Variants in WDR59 observed in about 807,000 individuals in gnomAD.
WDR59 encodes GATOR2 complex protein WDR59.
WDR59 carries 100 observed loss-of-function variants against 131.2 expected under a neutral mutation model. That is an observed-to-expected ratio of 0.76 (90% CI 0.65 to 0.90). WDR59 has a LOEUF of 0.90. Ranked by LOEUF, WDR59 falls within the 40% of genes least tolerant of loss-of-function variation. The pLI is 0.00. For missense variants in WDR59, 1,203 were observed against 1,262.2 expected (o/e 0.95, Z 0.71); for synonymous variants, 601 against 466.2 (o/e 1.29, Z -3.72).
Position 74,926,233 on chromosome 16 carries a change from G to C in WDR59, c.652-2230C>G, listed in dbSNP as rs556935470. 3.3e-5 allele frequency among the ~76,000 whole-genome samples: 5 copies of C among 151,950 alleles called. No individual in the cohort carries two copies. In the South Asian group the frequency reaches 8.3e-4, roughly 25 times the overall value. ...CACCACCACGCCTGGCTAATTTTTT[G>C]TATTTTTAGTAGAGACGGGGTTTCA... On this transcript the variant is annotated intron_variant, in intron 8 of 25. Coordinates refer to ENST00000262144, the MANE Select transcript of WDR59 (RefSeq NM_030581.4).
At chr16:74,925,549 A>AAAG (rs1330232770) in intron 8 of WDR59, among the ~76,000 whole-genome samples, 1 of 151,514 alleles carries the variant, frequency 6.6e-6, no homozygotes, top group African/African-American at 2.4e-5. Context: ...ATCTCAAAAA[A>AAAG]AAAAAAAAAA....
At position 74,921,994 on chromosome 16, in the gene WDR59, C is replaced by T; in HGVS notation, c.839G>A (p.Gly280Glu). ...GAACTCCAGGACCACATCATCATGC[C>T]CCACGAAGGTGTGGACTGGGGTGTT... is the stretch of plus-strand genomic sequence containing the variant. The part of the protein sequence containing the change: ...DLNTPVHTFV[G>E]HDDVVLEFQW... Residue 280 changes from glycine (G) to glutamate (E), a missense_variant, in exon 10 of 26, where the codon GGG (glycine) becomes GAG (glutamate). Transcript: ENST00000262144. 6.2e-7 allele frequency: 1 copy of T among 1,614,162 alleles called. No individual in the cohort carries two copies. The highest frequency in any genetic ancestry group is 8.5e-7 in the Non-Finnish European group (1 of 1,180,038).
At chr16:74,949,545 T>C (rs2032869777) in intron 5 of WDR59, among the ~76,000 whole-genome samples, 173 bp downstream of exon 5, 1 of 151,844 alleles carries the variant, frequency 6.6e-6, no homozygotes, top group African/African-American at 2.4e-5. Flanking sequence ...CTCTTCTCTA[T>C]CCCCCTACAA....
chr16:74,919,499 A>ATT (rs11407330), intron 10 of WDR59, among the ~76,000 whole-genome samples: 73 of 145,274 alleles, frequency 5.0e-4, no homozygotes, highest in Middle Eastern at 3.6e-3. Flanking sequence ...CACCTGGCTA[A>ATT]TTTTTTTTTT....
intron 8 of WDR59, among the ~76,000 whole-genome samples, chr16:74,937,128 G>A (rs1335922641): frequency 6.6e-6 from 1 of 152,176 alleles, no homozygotes; most frequent in Admixed American, 6.5e-5. Context: ...AGGAACTACT[G>A]GAACAAAGAT....
intron 8 of WDR59, among the ~76,000 whole-genome samples, chr16:74,934,580 CAG>C (rs1358807022): frequency 6.6e-6 from 1 of 152,262 alleles, no homozygotes; most frequent in Non-Finnish European, 1.5e-5. Context: ...CCCCCATTCA[CAG>C]ATAATTTCTC....
At chr16:74,912,534 A>C (rs1966150769) in intron 13 of WDR59, among the ~76,000 whole-genome samples, 172 bp from the exon 14 acceptor site, 2 of 152,236 alleles carry the variant, frequency 1.3e-5, no homozygotes, top group South Asian at 4.1e-4. Flanking sequence ...TTAAATTTTC[A>C]TACCAGATTC....
intron 7 of WDR59, among the ~76,000 whole-genome samples, chr16:74,940,315 G>A (rs1330667518): frequency 1.3e-5 from 2 of 151,256 alleles, no homozygotes; most frequent in Non-Finnish European, 2.9e-5. Context: ...GGAGGTGGAG[G>A]TTGCAGTGAG....
intron 7 of WDR59, 120 bp from the exon 8 acceptor site, chr16:74,938,386 C>A: frequency 1.7e-6 from 1 of 594,056 alleles, no homozygotes. Flanking sequence ...CTGTCTCTAC[C>A]CTACACAGAC....
intron 8 of WDR59, 71 bp downstream of exon 8, chr16:74,938,079 C>G (rs569234106): frequency 1.8e-6 from 2 of 1,094,322 alleles, no homozygotes; most frequent in Non-Finnish European, 2.6e-6. Flanking sequence ...GCTTTCCAAC[C>G]AAGGTGGAAT....
chr16:74,944,743 A>C (rs2145109184), intron 6 of WDR59, among the ~76,000 whole-genome samples: 1 of 152,112 alleles, frequency 6.6e-6, no homozygotes, highest in Middle Eastern at 3.4e-3. Context: ...CCACTGAGAA[A>C]CCTCACTGAG....
intron 20 of WDR59, 134 bp downstream of exon 20, chr16:74,892,350 T>G (rs1402234343): frequency 1.2e-6 from 1 of 821,834 alleles, no homozygotes; most frequent in Non-Finnish European, 1.9e-6. Context: ...CCCTACAGAC[T>G]GGCAAAGAAA....
In WDR59 at chr16:74,887,719, A is replaced by G; in HGVS notation, c.2383T>C (p.Ser795Pro). ...CCGCCAGTGTTGAGCCCTGGGTCTG[A>G]CATACTGGAGCAGGAACCAGAAGAG... ...FTSSGSCSSM[S>P]DPGLNTGGWN... Residue 795 changes from serine to proline, a missense_variant, in exon 23 of 26, where the codon TCA becomes CCA. Ser to Pro is a moderately conservative substitution (Grantham distance 74, BLOSUM62 -1). Transcript: ENST00000262144. 1 of 1,614,160 alleles carries G rather than the reference A, an allele frequency of 6.2e-7. No homozygotes were observed. Among genetic ancestry groups the G allele is most frequent in the Non-Finnish European group, 8.5e-7 (1 of 1,180,002 alleles).
intron 13 of WDR59, chr16:74,915,643 T>A: frequency 2.3e-6 from 1 of 438,966 alleles, no homozygotes; most frequent in South Asian, 3.2e-5. Flanking sequence ...CTCAAACTCC[T>A]GGCTTCCTGG....
intron 1 of WDR59, among the ~76,000 whole-genome samples, chr16:74,978,287 A>G (rs1297385203): frequency 7.1e-6 from 1 of 140,102 alleles, no homozygotes; most frequent in Non-Finnish European, 1.5e-5. Flanking sequence ...GTGCGACTGC[A>G]CTCCAGCCTG....
rs1162042042 is a variant in WDR59, at chr16:74,981,613, CATATATATATATATATATATAT to C, written c.54+3329_54+3350del. Among the ~76,000 whole-genome samples the C allele has an allele frequency of 6.8e-3, 188 of 27,790 alleles. 16 individuals carry two copies. The highest frequency in any genetic ancestry group is 0.026 in the African/African-American group (183 of 7,172). The allele number at this position is 27,790 out of a possible 152,430, so 18.2% of individuals were successfully genotyped here. A position where few individuals can be genotyped will look rare whatever the true frequency, so the allele number is the denominator to read the frequency against. On this transcript the variant is annotated intron_variant, in intron 1 of 25. Coordinates refer to ENST00000262144, the MANE Select transcript of WDR59 (RefSeq NM_030581.4). ...TTTTTAGACAATACATATACATTTA[CATATATATATATATATATATAT>C]ATATATATATATATATATATATATA...
chr16:74,912,469 A>G, intron 13 of WDR59, 107 bp from the exon 14 acceptor site: 1 of 1,198,482 alleles, frequency 8.3e-7, no homozygotes, highest in African/African-American at 1.5e-5. Context: ...GAATGAAGGG[A>G]AAGAGTCTAC....
At chr16:74,909,372 C>T (rs748984137) in intron 16 of WDR59, 129 bp downstream of exon 16, 81 of 1,221,760 alleles carry the variant, frequency 6.6e-5, no homozygotes, top group Admixed American at 9.9e-5. Flanking sequence ...ACCACGCTAC[C>T]ATGAAAGTCT....
chr16:74,977,712 T>C (rs2034244676), intron 1 of WDR59, among the ~76,000 whole-genome samples: 1 of 151,992 alleles, frequency 6.6e-6, no homozygotes, highest in South Asian at 2.1e-4. Flanking sequence ...AATAAATCAA[T>C]AAATAAAAAT....
Sources: allele counts gnomAD v4.1 joint callset (sites outside exome capture counted in the v4.1 genomes callset), GRCh38; gene constraint gnomAD v4.1.1; transcripts MANE v1.5; gene names NCBI Gene and HGNC (gene_info 2026-07-23, HGNC 2026-07-21).